The following ASAP2 variants were observed in gnomAD, a reference collection of about 807,000 sequenced individuals.
ASAP2 encodes arf-GAP with SH3 domain, ANK repeat and PH domain-containing protein 2.
Under a neutral mutation model 131.4 loss-of-function variants are expected in ASAP2, and 45 were observed. The ratio of observed to expected loss-of-function variants is 0.34; its 90% confidence interval spans 0.27 to 0.44. The LOEUF is 0.44. Among genes scored for constraint, ASAP2 ranks in the 20% least tolerant of loss-of-function variants. The pLI, the probability that ASAP2 is intolerant of heterozygous loss-of-function variation, is 1.00. For missense variants in ASAP2, 1,011 were observed against 1,297.0 expected (o/e 0.78, Z 3.39); for synonymous variants, 510 against 503.0 (o/e 1.01, Z -0.19).
chr2:9,295,780 C>G (rs997989280), intron 2 of ASAP2, among the ~76,000 whole-genome samples: 1 of 152,210 alleles, frequency 6.6e-6, no homozygotes, highest in Non-Finnish European at 1.5e-5. Context: ...AGGACTCAAA[C>G]AGTGAAGTGA....
At chr2:9,234,427 A>G (rs1663395329) in intron 1 of ASAP2, among the ~76,000 whole-genome samples, 2 of 152,150 alleles carry the variant, frequency 1.3e-5, no homozygotes, top group African/African-American at 4.8e-5. Flanking sequence ...GACAGCACAC[A>G]GATTGCACCA....
chr2:9,398,214 G>C (rs1056604865), intron 24 of ASAP2, among the ~76,000 whole-genome samples: 1 of 151,638 alleles, frequency 6.6e-6, no homozygotes, highest in Non-Finnish European at 1.5e-5. Context: ...AGAGATGCTA[G>C]AATCCACAAA....
At chr2:9,335,299 A>G in intron 9 of ASAP2, 120 bp downstream of exon 9, 2 of 775,068 alleles carry the variant, frequency 2.6e-6, no homozygotes, top group Non-Finnish European at 4.4e-6. Context: ...TGTGTCAGGC[A>G]CCAGTAAAAC....
intron 1 of ASAP2, among the ~76,000 whole-genome samples, chr2:9,230,342 C>T (rs78095412): frequency 1.3e-5 from 2 of 152,292 alleles, no homozygotes; most frequent in South Asian, 2.1e-4. Context: ...GCTGCGTGGG[C>T]CTGCTGCCAC....
chr2:9,257,097 A>G (rs1262212162), intron 1 of ASAP2, among the ~76,000 whole-genome samples: 1 of 152,228 alleles, frequency 6.6e-6, no homozygotes, highest in Admixed American at 6.5e-5. Flanking sequence ...GTAGAAACTA[A>G]AGAGCAGCAG....
In ASAP2 at chr2:9,331,631, G is replaced by A. The variant is rs560838676; in HGVS notation, c.687-3107G>A. Among the ~76,000 whole-genome samples the A allele has an allele frequency of 7.6e-4, 116 of 152,222 alleles. 1 individual carries two copies. The highest frequency in any genetic ancestry group is 3.9e-4 in the East Asian group (2 of 5,170). Reference sequence around the variant, plus strand: ...AAAAATACAAAAATTAGCCGGATGCGGTAGTGCACACCTGTAGTCCCGGCT... The same window carrying A: ...AAAAATACAAAAATTAGCCGGATGCAGTAGTGCACACCTGTAGTCCCGGCT... On this transcript the variant is annotated intron_variant, in intron 7 of 27. Transcript: ENST00000281419.
intron 1 of ASAP2, among the ~76,000 whole-genome samples, chr2:9,263,867 A>AT (rs887226860): frequency 6.6e-6 from 1 of 152,058 alleles, no homozygotes; most frequent in Admixed American, 6.5e-5. Flanking sequence ...TAGGTTAAGT[A>AT]TTTTTTTCTC....
intron 19 of ASAP2, 53 bp from the exon 20 acceptor site, chr2:9,380,688 G>A: frequency 1.3e-6 from 2 of 1,539,100 alleles, no homozygotes; most frequent in Non-Finnish European, 9.0e-7. Context: ...CTGGATGTCA[G>A]GCCTTTGCTG....
At position 9,397,745 on chromosome 2, in the gene ASAP2, TATA is replaced by T. The variant is rs1431479962; in HGVS notation, c.2685-2277_2685-2275del. Among the ~76,000 whole-genome samples the T allele has an allele frequency of 2.5e-3, 226 of 90,954 alleles. 5 individuals carry two copies. Among genetic ancestry groups the T allele is most frequent in the Non-Finnish European group, 3.3e-3 (170 of 51,398 alleles). 59.7% of individuals were successfully genotyped at this position (90,954 alleles called of 152,430 possible). ...TCAAAAGGATATATATATATATATATATATATTTTTTTTTTTTTTTTTTTTTTT... is the reference window on the plus strand; with the variant it reads ...TCAAAAGGATATATATATATATATATTATTTTTTTTTTTTTTTTTTTTTTT... On this transcript the variant is annotated intron_variant, in intron 24 of 27. Coordinates refer to ENST00000281419, the MANE Select transcript of ASAP2 (RefSeq NM_003887.3).
At chr2:9,315,503 G>A (rs961586385) in intron 3 of ASAP2, among the ~76,000 whole-genome samples, 1 of 152,168 alleles carries the variant, frequency 6.6e-6, no homozygotes, top group Admixed American at 6.5e-5. Flanking sequence ...AAGCAAGTGA[G>A]GAGGGTGGGA....
At chr2:9,329,428 G>T (rs1425137131) in intron 7 of ASAP2, among the ~76,000 whole-genome samples, 1 of 152,114 alleles carries the variant, frequency 6.6e-6, no homozygotes, top group Non-Finnish European at 1.5e-5. Context: ...CGGACCCTGG[G>T]GTCTCATGGG....
At chr2:9,364,279 A>G (rs1002227526) in intron 15 of ASAP2, among the ~76,000 whole-genome samples, 1 of 152,096 alleles carries the variant, frequency 6.6e-6, no homozygotes, top group Admixed American at 6.5e-5. Flanking sequence ...AGGCTGAGGC[A>G]GGCAGATCAC....
intron 1 of ASAP2, among the ~76,000 whole-genome samples, chr2:9,260,569 A>T (rs1223492398): frequency 1.3e-5 from 2 of 151,738 alleles, no homozygotes; most frequent in Non-Finnish European, 2.9e-5. Flanking sequence ...GCATCGTCAC[A>T]CTCCTTTTTT....
At chr2:9,348,650 A>G (rs944161998) in intron 11 of ASAP2, among the ~76,000 whole-genome samples, 40 of 152,266 alleles carry the variant, frequency 2.6e-4, no homozygotes, top group Admixed American at 2.6e-3. Flanking sequence ...ATTTTTTAAT[A>G]TGTAGGCACA....
intron 1 of ASAP2, among the ~76,000 whole-genome samples, chr2:9,249,022 T>A (rs1407938663): frequency 6.6e-6 from 1 of 152,172 alleles, no homozygotes; most frequent in Non-Finnish European, 1.5e-5. Context: ...GAATTTTAGG[T>A]CTAGAGGAGA....
In ASAP2 at chr2:9,326,851, C is replaced by T. The variant is rs889570689; in HGVS notation, c.601-975C>T. On this transcript the variant is annotated intron_variant, in intron 6 of 27. Transcript: ENST00000281419. The stretch of plus-strand genomic sequence containing the variant: ...TTGTTTACTTTTATAAACAGGATAG[C>T]AGTGTATCTTCTTTTCTGTTCATCT... 5.9e-5 allele frequency among the ~76,000 whole-genome samples: 9 copies of T among 152,300 alleles called. No individual in the cohort carries two copies. In the East Asian group the frequency reaches 1.7e-3, roughly 29 times the overall value.
At chr2:9,305,342 G>A (rs62121313) in intron 3 of ASAP2, among the ~76,000 whole-genome samples, 36,139 of 132,532 alleles carry the variant, frequency 0.27, 5,832 homozygotes, top group Non-Finnish European at 0.33. Flanking sequence ...TGTAGTAGTG[G>A]GGTATAGATA....
chr2:9,362,703 G>A (rs1191769948), intron 15 of ASAP2, among the ~76,000 whole-genome samples: 4 of 152,148 alleles, frequency 2.6e-5, no homozygotes, highest in African/African-American at 9.7e-5. Flanking sequence ...CTAGCTGGGA[G>A]TGGTGGCAAG....
intron 2 of ASAP2, among the ~76,000 whole-genome samples, chr2:9,286,443 A>ATATATATATATATAT (rs1553304539): frequency 1.5e-5 from 2 of 130,792 alleles, no homozygotes; most frequent in African/African-American, 6.4e-5. Context: ...AAAGGAAAAA[A>ATATATATATATATAT]AAAAATATAT....
Sources: allele counts gnomAD v4.1 joint callset (sites outside exome capture counted in the v4.1 genomes callset), GRCh38; gene constraint gnomAD v4.1.1; transcripts MANE v1.5; gene names NCBI Gene and HGNC (gene_info 2026-07-23, HGNC 2026-07-21).